Variants in GTF3C1 observed in about 807,000 individuals in gnomAD.
The protein encoded by GTF3C1 is general transcription factor IIIC subunit 1.
Under a neutral mutation model 226.7 loss-of-function variants are expected in GTF3C1, and 57 were observed. That is an observed-to-expected ratio of 0.25 (90% CI 0.20 to 0.31). GTF3C1 has a LOEUF of 0.31. Among genes scored for constraint, GTF3C1 ranks in the 10% least tolerant of loss-of-function variants. The probability of loss-of-function intolerance (pLI) is 1.00; values close to 1 mark genes in which losing one functional copy is unlikely to be tolerated. For missense variants in GTF3C1, 2,217 were observed against 2,776.1 expected (o/e 0.80, Z 4.53); for synonymous variants, 1,090 against 1,084.8 (o/e 1.00, Z -0.09).
chr16:27,496,721 G>C (rs1395426975), intron 14 of GTF3C1, among the ~76,000 whole-genome samples: 2 of 152,166 alleles, frequency 1.3e-5, no homozygotes, highest in Admixed American at 6.5e-5. Flanking sequence ...TTCTTTTAAA[G>C]GGGCTTATTT....
chr16:27,546,496 A>G (rs2089165501), intron 1 of GTF3C1, among the ~76,000 whole-genome samples: 1 of 148,536 alleles, frequency 6.7e-6, no homozygotes, highest in Non-Finnish European at 1.5e-5. Flanking sequence ...GAAAAAAAAA[A>G]AAAATACATA....
intron 7 of GTF3C1, among the ~76,000 whole-genome samples, chr16:27,510,212 C>T (rs530160222): frequency 6.6e-6 from 1 of 152,186 alleles, no homozygotes; most frequent in South Asian, 2.1e-4. Flanking sequence ...GGTGAAACCC[C>T]GTCTCTACTA....
chr16:27,501,711 G>C (rs1482799422), intron 11 of GTF3C1, among the ~76,000 whole-genome samples: 1 of 152,194 alleles, frequency 6.6e-6, no homozygotes, highest in African/African-American at 2.4e-5. Context: ...TTTATCACTA[G>C]CCCCTAAGAT....
intron 7 of GTF3C1, among the ~76,000 whole-genome samples, chr16:27,509,959 A>G (rs2088548614): frequency 6.6e-6 from 1 of 151,748 alleles, no homozygotes; most frequent in African/African-American, 2.4e-5. Context: ...AGTAGGGATG[A>G]AAGGGCTAAC....
intron 6 of GTF3C1, among the ~76,000 whole-genome samples, chr16:27,512,569 G>A (rs1197421981): frequency 6.6e-6 from 1 of 152,178 alleles, no homozygotes; most frequent in Non-Finnish European, 1.5e-5. Flanking sequence ...GTGGAGGGGT[G>A]GCATACCTAC....
chr16:27,492,515 C>A lies in GTF3C1; in HGVS notation c.2974G>T (p.Val992Phe). The stretch of plus-strand genomic sequence containing the variant: ...GCATTCTTCTTCAAGAAGATAAAGA[C>A]CTAAGGGGAGACACCAGACAGGGAG... ...PTEKFQDKDQ[V>F]FIFLKKNAVI... Residue 992 changes from valine to phenylalanine, a missense_variant and splice_region_variant, in exon 19 of 37, where the codon GTC becomes TTC. Physicochemically the swap from Val to Phe is conservative, Grantham distance 50. Transcript: ENST00000356183. The surrounding 1 kb of genome is among the most constrained non-coding windows in gnomAD (Gnocchi z 5.0). The A allele has an allele frequency of 6.8e-6, 11 of 1,610,670 alleles. No homozygotes were observed. The highest frequency in any genetic ancestry group is 9.3e-6 in the Non-Finnish European group (11 of 1,176,986).
chr16:27,542,771 C>G (rs2089105472), intron 2 of GTF3C1, among the ~76,000 whole-genome samples: 1 of 152,178 alleles, frequency 6.6e-6, no homozygotes, highest in African/African-American at 2.4e-5. Flanking sequence ...GGTTTTGCCC[C>G]TCTGCACATG....
chr16:27,549,537 C>T, intron 1 of GTF3C1, 133 bp downstream of exon 1: 1 of 628,764 alleles, frequency 1.6e-6, no homozygotes, highest in Non-Finnish European at 2.8e-6. Context: ...GCCTTACCGC[C>T]GTGCCCCAAC....
chr16:27,475,723 C>T (rs987734860), intron 29 of GTF3C1, among the ~76,000 whole-genome samples: 2 of 152,202 alleles, frequency 1.3e-5, no homozygotes, highest in Non-Finnish European at 2.9e-5. Flanking sequence ...AGTAGAGCGG[C>T]CGCGTGGACC....
chr16:27,482,919 T>A (rs1160284429), intron 26 of GTF3C1, 125 bp downstream of exon 26: 1 of 751,782 alleles, frequency 1.3e-6, no homozygotes, highest in African/African-American at 1.7e-5. Flanking sequence ...ATTTCTCAAG[T>A]GAGCAGGAAA....
chr16:27,478,527 G>T lies in GTF3C1; in HGVS notation c.4201C>A (p.Arg1401=). Residue 1401 remains arginine (R), a synonymous_variant, in exon 28 of 37, where the codon CGA becomes AGA. Coordinates refer to ENST00000356183, the MANE Select transcript of GTF3C1 (RefSeq NM_001520.4). ...TTTTCATCCCCAATTGCCAAAACTC[G>T]GTACCTGCAAAAGAAACATAACAGC... is the stretch of plus-strand genomic sequence containing the variant. The part of the protein sequence containing the change: ...DTLQELFARY[R]VLAIGDEKDQ... 6.2e-7 allele frequency: 1 copy of T among 1,609,824 alleles called. No individual in the cohort carries two copies.
At chr16:27,491,396 T>C (rs2088230800) in intron 19 of GTF3C1, among the ~76,000 whole-genome samples, 1 of 152,188 alleles carries the variant, frequency 6.6e-6, no homozygotes, top group Non-Finnish European at 1.5e-5. Flanking sequence ...AGACCCTCCA[T>C]GCATTTGATC....
chr16:27,465,360 G>A lies in GTF3C1; in HGVS notation c.5255C>T (p.Thr1752Met), dbSNP rs552379624. ...CTCCTTGTCAATCCCAAAACAACCC[G>A]TGGCTATAATGGCTTCCAAGATCTC... The part of the protein sequence containing the change: ...ALEILEAIIA[T>M]GCFGIDKEEL... The change falls in exon 33 of 37, where the codon ACG becomes ATG. Residue 1752 changes from threonine (T) to methionine (M), a missense_variant. Around this residue, in one of 12 missense-constraint regions of GTF3C1, gnomAD observed 455 missense variants for 441.9 expected, o/e 1.03. Transcript: ENST00000356183. 2.0e-5 allele frequency: 33 copies of A among 1,614,090 alleles called. No individual in the cohort carries two copies. The South Asian group carries it at 2.7e-4, about 13-fold the overall frequency.
intron 25 of GTF3C1, chr16:27,483,489 T>C (rs2088088121): frequency 8.5e-6 from 4 of 468,514 alleles, no homozygotes; most frequent in Non-Finnish European, 1.7e-5. Context: ...GGGTTTATTA[T>C]TCTTAAGCTC....
chr16:27,478,958 G>A (rs1317236692), intron 27 of GTF3C1, among the ~76,000 whole-genome samples: 1 of 152,070 alleles, frequency 6.6e-6, no homozygotes, highest in East Asian at 1.9e-4. Flanking sequence ...CTGGGAAGTG[G>A]AAGGGAAGGA....
At chr16:27,503,364 T>C (rs2088437340) in intron 10 of GTF3C1, among the ~76,000 whole-genome samples, 1 of 152,224 alleles carries the variant, frequency 6.6e-6, no homozygotes, top group Admixed American at 6.5e-5. Flanking sequence ...ATGCCAAGTA[T>C]TGTTGGGCTT....
intron 4 of GTF3C1, among the ~76,000 whole-genome samples, chr16:27,534,601 C>A (rs1248756554): frequency 2.0e-5 from 3 of 152,226 alleles, no homozygotes; most frequent in Non-Finnish European, 4.4e-5. Flanking sequence ...AAGTGAGGGG[C>A]AAAGATGGAA....
In GTF3C1 at chr16:27,541,477, T is replaced by C. The variant is rs74016090; in HGVS notation, c.432-3121A>G. 2.5e-3 allele frequency among the ~76,000 whole-genome samples: 382 copies of C among 152,212 alleles called. 2 individuals are homozygous for C. The highest frequency in any genetic ancestry group is 8.7e-3 in the African/African-American group (361 of 41,518). On this transcript the variant is annotated intron_variant, in intron 2 of 36. Coordinates refer to ENST00000356183, the MANE Select transcript of GTF3C1 (RefSeq NM_001520.4). ...CATATTATTATAGAACTGAGAGACA[T>C]AGCGGTGAACAAGAAGGATAGAGTC...
intron 7 of GTF3C1, among the ~76,000 whole-genome samples, chr16:27,510,442 A>G (rs1378853943): frequency 1.3e-5 from 2 of 152,050 alleles, no homozygotes; most frequent in African/African-American, 4.8e-5. Flanking sequence ...CTGTGATCCC[A>G]GCTACTTGGG....
Sources: allele counts gnomAD v4.1 joint callset (sites outside exome capture counted in the v4.1 genomes callset), GRCh38; gene constraint gnomAD v4.1.1; regional missense constraint gnomAD v4.1.1; non-coding constraint Gnocchi (gnomAD v3.1); transcripts MANE v1.5; gene names NCBI Gene and HGNC (gene_info 2026-07-23, HGNC 2026-07-21).